SNTG2: variants seen among roughly 807,000 people sequenced by gnomAD.
SNTG2 encodes gamma-2-syntrophin.
A neutral mutation model predicts 70.9 loss-of-function variants in SNTG2; 74 were observed. The ratio of observed to expected loss-of-function variants is 1.04; its 90% CI spans 0.86 to 1.27. SNTG2 has a LOEUF of 1.27. Among genes scored for constraint, SNTG2 ranks in the 50% most tolerant of loss-of-function variants. The probability of loss-of-function intolerance (pLI) is 0.00; values close to 1 mark genes in which losing one functional copy is unlikely to be tolerated. For missense variants in SNTG2, 717 were observed against 690.7 expected, an observed-to-expected ratio of 1.04 and a Z score of -0.43; for synonymous variants, 278 against 273.8, an observed-to-expected ratio of 1.02 and a Z score of -0.15.
chr2:1,005,806 A>G (rs779881297), intron 1 of SNTG2, among the ~76,000 whole-genome samples: 1 of 31,224 alleles, frequency 3.2e-5, no homozygotes, highest in Non-Finnish European at 6.1e-5. Context: ...TCTGCCTCAA[A>G]ATATATATAT....
At chr2:1,346,957 A>T (rs59849284) in intron 16 of SNTG2, among the ~76,000 whole-genome samples, 1,616 of 152,250 alleles carry the variant, frequency 0.011, 30 homozygotes, top group African/African-American at 0.037. Flanking sequence ...CCACCACGTC[A>T]TGCTGTACCA....
At chr2:1,051,332 G>C (rs1016224902) in intron 1 of SNTG2, among the ~76,000 whole-genome samples, 2 of 152,152 alleles carry the variant, frequency 1.3e-5, no homozygotes, top group Admixed American at 1.3e-4. Flanking sequence ...GCTTTACGCT[G>C]AGTATGACAT....
rs59134628 is a variant in SNTG2, at chr2:993,070, CTTTT to C, written c.72+42016_72+42019del. ...TCATACAGTTGGTCTTTTGTGGGTT[CTTTT>C]TTTTTTTTTTTTTATTATACTCTAA... On this transcript the variant is annotated intron_variant, in intron 1 of 16. Transcript: ENST00000308624. 3.5e-3 allele frequency among the ~76,000 whole-genome samples: 498 copies of C among 140,482 alleles called. 6 individuals are homozygous for C. Among genetic ancestry groups the C allele is most frequent in the South Asian group, 0.02 (87 of 4,408 alleles). The allele number at this position is 140,482 out of a possible 152,430, so 92.2% of individuals were successfully genotyped here.
intron 1 of SNTG2, among the ~76,000 whole-genome samples, chr2:1,083,036 T>C (rs1664438267): frequency 6.6e-6 from 1 of 152,122 alleles, no homozygotes; most frequent in African/African-American, 2.4e-5. Flanking sequence ...GCCCACCTGC[T>C]CCCTTCTGAG....
chr2:977,452 A>G (rs1319094177), intron 1 of SNTG2, among the ~76,000 whole-genome samples: 2 of 151,846 alleles, frequency 1.3e-5, no homozygotes, highest in African/African-American at 4.8e-5. Context: ...ATTATCTCTT[A>G]AGCTCCTTCT....
At chr2:968,999 T>C (rs913537851) in intron 1 of SNTG2, among the ~76,000 whole-genome samples, 3 of 152,172 alleles carry the variant, frequency 2.0e-5, no homozygotes, top group Admixed American at 1.3e-4. Context: ...TAGTTTTAGG[T>C]TTTACATCTA....
intron 14 of SNTG2, among the ~76,000 whole-genome samples, chr2:1,282,050 G>A (rs970117687): frequency 1.3e-5 from 2 of 152,174 alleles, no homozygotes; most frequent in East Asian, 1.9e-4. Context: ...CCTGCCTGGA[G>A]CTGTCAGTTT....
At chr2:1,355,338 C>T (rs897973038) in intron 16 of SNTG2, among the ~76,000 whole-genome samples, 5 of 152,180 alleles carry the variant, frequency 3.3e-5, no homozygotes, top group South Asian at 2.1e-4. Context: ...ACCCGTGGAA[C>T]GGCAACTCCC....
At chr2:1,284,376 C>A (rs1033245402) in intron 14 of SNTG2, among the ~76,000 whole-genome samples, 5 of 152,190 alleles carry the variant, frequency 3.3e-5, no homozygotes, top group Admixed American at 6.5e-5. Flanking sequence ...GCCAGTTGAA[C>A]CTGGAAATGT....
At chr2:1,313,905 G>A (rs962962459) in intron 15 of SNTG2, among the ~76,000 whole-genome samples, 1 of 152,168 alleles carries the variant, frequency 6.6e-6, no homozygotes, top group Non-Finnish European at 1.5e-5. Flanking sequence ...GCCTCATGAG[G>A]AAGGGTTATT....
chr2:1,203,426 G>A (rs978916497), intron 8 of SNTG2, among the ~76,000 whole-genome samples: 1 of 151,854 alleles, frequency 6.6e-6, no homozygotes, highest in Non-Finnish European at 1.5e-5. Context: ...GGGAGGCAGA[G>A]GAGGGAGGGT....
At chr2:1,148,674 C>T (rs1351781684) in intron 6 of SNTG2, among the ~76,000 whole-genome samples, 1 of 152,208 alleles carries the variant, frequency 6.6e-6, no homozygotes, top group African/African-American at 2.4e-5. Flanking sequence ...TGTGATCACC[C>T]AGATGATGAA....
chr2:1,059,805 C>CGG (rs1662696152), intron 1 of SNTG2, among the ~76,000 whole-genome samples: 1 of 152,078 alleles, frequency 6.6e-6, no homozygotes, highest in East Asian at 1.9e-4. Flanking sequence ...CAAACTGAGA[C>CGG]ATATCTGAAA....
At chr2:1,165,101 C>G (rs1300556930) in intron 6 of SNTG2, among the ~76,000 whole-genome samples, 1 of 152,146 alleles carries the variant, frequency 6.6e-6, no homozygotes, top group African/African-American at 2.4e-5. Flanking sequence ...GAAGTGATAG[C>G]CACTAATTTC....
intron 9 of SNTG2, among the ~76,000 whole-genome samples, chr2:1,230,108 C>T (rs527275611): frequency 1.5e-4 from 23 of 152,358 alleles, no homozygotes; most frequent in Middle Eastern, 3.4e-3. Flanking sequence ...GCAGAGGAGG[C>T]GCCGAGAGCG....
At chr2:1,203,584 G>A (rs1311355600) in intron 8 of SNTG2, among the ~76,000 whole-genome samples, 1 of 149,250 alleles carries the variant, frequency 6.7e-6, no homozygotes, top group African/African-American at 2.5e-5. Context: ...AACCCAGGAA[G>A]CTGGGGTTGC....
chr2:990,834 G>C (rs971807522), intron 1 of SNTG2, among the ~76,000 whole-genome samples: 15 of 151,442 alleles, frequency 9.9e-5, no homozygotes, highest in African/African-American at 3.4e-4. Context: ...TCCTAAGTCA[G>C]AGGGAAAAGT....
intron 4 of SNTG2, among the ~76,000 whole-genome samples, chr2:1,112,562 T>G (rs1212278814): frequency 6.6e-6 from 1 of 151,384 alleles, no homozygotes; most frequent in Non-Finnish European, 1.5e-5. Context: ...CTAAGTGAGG[T>G]GTAACCCTTA....
intron 1 of SNTG2, among the ~76,000 whole-genome samples, chr2:970,000 G>T (rs1028407699): frequency 6.6e-6 from 1 of 152,162 alleles, no homozygotes; most frequent in Non-Finnish European, 1.5e-5. Flanking sequence ...CTGTGGGTTT[G>T]TCATAGACAG....
Sources: gnomAD v4.1 joint callset for allele counts (sites outside exome capture counted in the v4.1 genomes callset) on GRCh38, gnomAD v4.1.1 for gene constraint, MANE v1.5 for transcripts, NCBI Gene and HGNC (gene_info 2026-07-23, HGNC 2026-07-21) for gene names.